PLPPR4: variants seen among roughly 807,000 people sequenced by gnomAD.
The protein encoded by PLPPR4 is phospholipid phosphatase related 4, also known as phospholipid phosphatase-related protein type 4.
In PLPPR4, 24 loss-of-function variants were observed where a neutral mutation model predicts 56.6. The ratio of observed to expected loss-of-function variants is 0.42; its 90% CI spans 0.31 to 0.60. The LOEUF (loss-of-function observed/expected upper bound fraction) is 0.60. PLPPR4 is among the 20% of genes least tolerant of loss of function. The pLI is 0.13. For missense variants in PLPPR4, 654 were observed against 885.8 expected (o/e 0.74, Z 3.32); for synonymous variants, 326 against 328.1 (o/e 0.99, Z 0.07).
At chr1:99,273,996 G>A (rs1475704946) in intron 1 of PLPPR4, among the ~76,000 whole-genome samples, 1 of 151,846 alleles carries the variant, frequency 6.6e-6, no homozygotes, top group Non-Finnish European at 1.5e-5. Flanking sequence ...TATAATCTAG[G>A]ACTTACCTAT....
At chr1:99,282,476 C>T (rs1300989636) in intron 1 of PLPPR4, among the ~76,000 whole-genome samples, 1 of 152,106 alleles carries the variant, frequency 6.6e-6, no homozygotes, top group Non-Finnish European at 1.5e-5. Context: ...GAGAAGTACC[C>T]GATGCCTACT....
chr1:99,298,262 G>C (rs534674755), intron 3 of PLPPR4, among the ~76,000 whole-genome samples: 10 of 152,250 alleles, frequency 6.6e-5, no homozygotes, highest in South Asian at 2.1e-4. Flanking sequence ...AGAAAACCTA[G>C]AGTGAGAAAG....
chr1:99,279,393 T>C (rs1156599642), intron 1 of PLPPR4, among the ~76,000 whole-genome samples: 1 of 152,074 alleles, frequency 6.6e-6, no homozygotes, highest in Non-Finnish European at 1.5e-5. Context: ...AAAGTGAAAA[T>C]AAAAGCAGAC....
At chr1:99,273,230 A>T (rs141624599) in intron 1 of PLPPR4, among the ~76,000 whole-genome samples, 1 of 152,244 alleles carries the variant, frequency 6.6e-6, no homozygotes, top group African/African-American at 2.4e-5. Flanking sequence ...CAAGCAACAT[A>T]GAGGAGGTTA....
intron 1 of PLPPR4, among the ~76,000 whole-genome samples, chr1:99,269,375 G>T (rs1256796165): frequency 6.6e-6 from 1 of 152,206 alleles, no homozygotes; most frequent in East Asian, 1.9e-4. Flanking sequence ...GAACAGTGTT[G>T]CAATAAACAT....
rs772023785 is a variant in PLPPR4 at position 99,306,942 on chromosome 1, A to G, written c.2080A>G (p.Asn694Asp). The G allele has an allele frequency of 1.9e-6, 3 of 1,613,692 alleles. No individual in the cohort carries two copies. The highest frequency in any genetic ancestry group is 4.5e-5 in the East Asian group (2 of 44,872). Residue 694 changes from asparagine to aspartate, a missense_variant, in exon 7 of 7, where the codon AAC becomes GAC. By Grantham distance (23) the Asn-to-Asp change is conservative (BLOSUM62 1). Coordinates refer to ENST00000370185, the MANE Select transcript of PLPPR4 (RefSeq NM_014839.5). The surrounding 1 kb of genome is among the most constrained non-coding windows in gnomAD (Gnocchi z 4.0). Reference sequence around the variant, plus strand: ...TATCATTCTAATCCCTGAAAGAAGCAACAGCCCCGAAAACACTAGAAATAT... The same window carrying G: ...TATCATTCTAATCCCTGAAAGAAGCGACAGCCCCGAAAACACTAGAAATAT... ...GNIILIPERSNSPENTRNIFY... is the reference protein window; with the variant it reads ...GNIILIPERSDSPENTRNIFY...
chr1:99,305,590 C>CAT (rs1471189936), intron 6 of PLPPR4, 95 bp from the exon 7 acceptor site: 2 of 1,141,996 alleles, frequency 1.8e-6, no homozygotes, highest in Non-Finnish European at 2.5e-6. Flanking sequence ...GTATAGGAAG[C>CAT]ATATACCTAT....
intron 3 of PLPPR4, 148 bp downstream of exon 3, chr1:99,297,015 A>G: frequency 1.2e-6 from 1 of 862,422 alleles, no homozygotes; most frequent in Non-Finnish European, 1.5e-6. Flanking sequence ...AGAAACTGTT[A>G]AAACACCAAA....
upstream of PLPPR4, chr1:99,264,318 G>C (rs1658832066): frequency 1.4e-6 from 1 of 721,956 alleles, no homozygotes; most frequent in Non-Finnish European, 2.2e-6. Flanking sequence ...CAGCTTGGAG[G>C]AGGGAGCTGG....
intron 2 of PLPPR4, among the ~76,000 whole-genome samples, chr1:99,294,267 C>A (rs1659688781): frequency 6.6e-6 from 1 of 152,070 alleles, no homozygotes. Context: ...AAATTAATGT[C>A]CTGTTTAATG....
intron 2 of PLPPR4, among the ~76,000 whole-genome samples, chr1:99,295,883 A>C (rs928245449): frequency 3.9e-5 from 6 of 152,212 alleles, no homozygotes; most frequent in Admixed American, 2.0e-4. Context: ...AATTTCATAA[A>C]GCTATGCTAG....
In PLPPR4 at chr1:99,301,912, A is replaced by G; in HGVS notation, c.822+15A>G. The G allele has an allele frequency of 6.4e-7, 1 of 1,558,088 alleles. No individual in the cohort carries two copies. The highest frequency in any genetic ancestry group is 1.2e-5 in the South Asian group (1 of 82,444). On this transcript the variant is annotated intron_variant, in intron 6 of 6. Coordinates refer to ENST00000370185, the MANE Select transcript of PLPPR4 (RefSeq NM_014839.5). The stretch of plus-strand genomic sequence containing the variant: ...CACTGTACTTGGTAAATAAGTTACT[A>G]TTATCTTATAAGCCAAAGTTTAAAA...
chr1:99,300,915 C>G lies in PLPPR4; in HGVS notation c.597C>G (p.Ser199=). ...GACTATCTTCTTTTGGCAGAAAGTC[C>G]TTCCCTTCTCAACATGCAACCCTTG... ...DLTVINSGRK[S]FPSQHATLAA... Residue 199 remains serine, a synonymous_variant, in exon 5 of 7, where the codon TCC becomes TCG. Transcript: ENST00000370185. 1 of 1,612,068 alleles carries G rather than the reference C, an allele frequency of 6.2e-7. No individual in the cohort carries two copies.
At chr1:99,265,059 C>A (rs1454305010) in intron 1 of PLPPR4, among the ~76,000 whole-genome samples, 2 of 152,072 alleles carry the variant, frequency 1.3e-5, no homozygotes, top group African/African-American at 4.8e-5. Context: ...TCGGGAACTC[C>A]GTGTGCACAC....
chr1:99,264,242 T>A (rs781227150), upstream of PLPPR4: 123 of 558,282 alleles, frequency 2.2e-4, no homozygotes, highest in Non-Finnish European at 3.3e-4. Flanking sequence ...TCCGACAGCC[T>A]TGGAGCGTCG....
chr1:99,280,656 T>C (rs1376464610), intron 1 of PLPPR4, among the ~76,000 whole-genome samples: 2 of 152,190 alleles, frequency 1.3e-5, no homozygotes, highest in African/African-American at 4.8e-5. Flanking sequence ...TCTTCAATTC[T>C]GAGTGGAGAG....
At chr1:99,297,449 C>T (rs1215832603) in intron 3 of PLPPR4, among the ~76,000 whole-genome samples, 1 of 152,124 alleles carries the variant, frequency 6.6e-6, no homozygotes, top group Non-Finnish European at 1.5e-5. Flanking sequence ...ACCTTCATCT[C>T]TTCTGCTTAG....
rs114942276 is a variant in PLPPR4, at chr1:99,267,131, C to T, written c.78+2460C>T. ...AATTTAAGTAACAAGAAGAGGCTAA[C>T]AAAACAGATCTCAGGAGAAAACAGT... On this transcript the variant is annotated intron_variant, in intron 1 of 6. Coordinates refer to ENST00000370185, the MANE Select transcript of PLPPR4 (RefSeq NM_014839.5). 7.2e-3 allele frequency among the ~76,000 whole-genome samples: 1,097 copies of T among 152,296 alleles called. 13 individuals are homozygous for T. The highest frequency in any genetic ancestry group is 0.025 in the African/African-American group (1,042 of 41,566).
intron 2 of PLPPR4, among the ~76,000 whole-genome samples, chr1:99,290,884 C>T (rs552465172): frequency 6.6e-6 from 1 of 151,924 alleles, no homozygotes; most frequent in Non-Finnish European, 1.5e-5. Context: ...TAGGCACAGG[C>T]AAAGATTTCA....
Sources: allele counts gnomAD v4.1 joint callset (sites outside exome capture counted in the v4.1 genomes callset), GRCh38; gene constraint gnomAD v4.1.1; non-coding constraint Gnocchi (gnomAD v3.1); transcripts MANE v1.5; gene names NCBI Gene and HGNC (gene_info 2026-07-23, HGNC 2026-07-21).